Variants in PRKCA observed in about 807,000 individuals in gnomAD.
PRKCA encodes protein kinase C alpha, also known as protein kinase C alpha type.
In PRKCA, 27 loss-of-function variants were observed where a neutral mutation model predicts 87.0. The ratio of observed to expected loss-of-function variants is 0.31; its 90% CI spans 0.23 to 0.43. PRKCA has a LOEUF of 0.43. Ranked by LOEUF, PRKCA falls within the 20% of genes least tolerant of loss-of-function variation. PRKCA has a pLI of 1.00. For missense variants in PRKCA, 518 were observed against 852.3 expected (o/e 0.61, Z 4.88); for synonymous variants, 329 against 311.1 (o/e 1.06, Z -0.61).
chr17:66,524,248 T>C (rs549071396), intron 3 of PRKCA, among the ~76,000 whole-genome samples: 2 of 152,320 alleles, frequency 1.3e-5, no homozygotes, highest in East Asian at 3.9e-4. Context: ...AGGGGCATTG[T>C]TCAGTGGAAG....
intron 6 of PRKCA, 115 bp downstream of exon 6, chr17:66,687,382 C>T (rs1353774904): frequency 9.1e-7 from 1 of 1,103,986 alleles, no homozygotes; most frequent in Non-Finnish European, 1.3e-6. Context: ...TGTCTTCAGT[C>T]CTAAGACCTC....
intron 2 of PRKCA, among the ~76,000 whole-genome samples, chr17:66,337,174 G>A (rs1906751702): frequency 6.6e-6 from 1 of 152,094 alleles, no homozygotes; most frequent in African/African-American, 2.4e-5. Flanking sequence ...AGTCTTGGGA[G>A]GAAGATAGGA....
intron 3 of PRKCA, among the ~76,000 whole-genome samples, chr17:66,543,303 T>C (rs545563057): frequency 6.6e-5 from 10 of 152,316 alleles, no homozygotes; most frequent in African/African-American, 2.2e-4. Flanking sequence ...TTCCTGGCAT[T>C]CTTTGAATAC....
intron 5 of PRKCA, among the ~76,000 whole-genome samples, chr17:66,662,973 G>A (rs763802568): frequency 5.3e-5 from 8 of 152,272 alleles, no homozygotes; most frequent in East Asian, 1.9e-4. Context: ...TGGGAAAGTC[G>A]TCGATTCTGC....
chr17:66,401,994 A>G (rs1276516772), intron 2 of PRKCA, among the ~76,000 whole-genome samples: 1 of 152,200 alleles, frequency 6.6e-6, no homozygotes, highest in South Asian at 2.1e-4. Context: ...AGTTAAAACT[A>G]TGAAAGCAGA....
intron 2 of PRKCA, among the ~76,000 whole-genome samples, chr17:66,489,725 TTTTC>T (rs1916152415): frequency 6.6e-6 from 1 of 151,944 alleles, no homozygotes; most frequent in South Asian, 2.1e-4. Context: ...TCATCCTTTC[TTTTC>T]TTTCTTTCTT....
intron 2 of PRKCA, among the ~76,000 whole-genome samples, chr17:66,474,711 TTAAAG>T (rs1915467633): frequency 6.6e-6 from 1 of 152,234 alleles, no homozygotes; most frequent in Admixed American, 6.5e-5. Flanking sequence ...TTTCCTCAAC[TTAAAG>T]TAATTATTAA....
chr17:66,676,878 A>G (rs1972348615), intron 5 of PRKCA: 1 of 152,180 alleles, frequency 6.6e-6, no homozygotes, highest in Non-Finnish European at 1.5e-5. Flanking sequence ...CCCAGCCCAG[A>G]ACCCCTTCCT....
intron 1 of PRKCA, among the ~76,000 whole-genome samples, chr17:66,304,966 C>T (rs962092710): frequency 3.9e-5 from 6 of 152,130 alleles, no homozygotes; most frequent in Non-Finnish European, 8.8e-5. Flanking sequence ...GGACTTGCAG[C>T]ATACTGAGGC....
chr17:66,666,153 C>A (rs1972036890), intron 5 of PRKCA, among the ~76,000 whole-genome samples: 1 of 152,172 alleles, frequency 6.6e-6, no homozygotes, highest in African/African-American at 2.4e-5. Context: ...AATTAAGCAC[C>A]ATCACATAGA....
chr17:66,685,816 A>G (rs958166764), intron 5 of PRKCA, among the ~76,000 whole-genome samples: 1 of 152,230 alleles, frequency 6.6e-6, no homozygotes, highest in East Asian at 1.9e-4. Flanking sequence ...TAATTTAATA[A>G]TCAAACTATG....
chr17:66,543,918 A>G (rs375196102), intron 3 of PRKCA, among the ~76,000 whole-genome samples: 10 of 152,290 alleles, frequency 6.6e-5, no homozygotes, highest in African/African-American at 2.2e-4. Flanking sequence ...TTGTACAGAA[A>G]CAAGATTGCT....
intron 3 of PRKCA, among the ~76,000 whole-genome samples, chr17:66,532,992 G>A (rs895662780): frequency 5.9e-5 from 9 of 152,186 alleles, no homozygotes; most frequent in African/African-American, 2.2e-4. Context: ...GGAACCCACG[G>A]CTGGAAAATA....
chr17:66,344,336 CTA>C (rs1279127262), intron 2 of PRKCA, among the ~76,000 whole-genome samples: 2 of 152,004 alleles, frequency 1.3e-5, no homozygotes, highest in Non-Finnish European at 2.9e-5. Context: ...GTTTTTTTGA[CTA>C]TGCTGTTTAG....
At chr17:66,540,996 A>G (rs1194947847) in intron 3 of PRKCA, among the ~76,000 whole-genome samples, 2 of 152,170 alleles carry the variant, frequency 1.3e-5, no homozygotes, top group Admixed American at 6.5e-5. Context: ...GTAGAACCCT[A>G]CAGAGGTAGG....
intron 4 of PRKCA, among the ~76,000 whole-genome samples, chr17:66,643,635 G>A (rs1263771789): frequency 6.6e-6 from 1 of 152,104 alleles, no homozygotes; most frequent in African/African-American, 2.4e-5. Context: ...GTTTGGTTTT[G>A]TTTTAAACTC....
intron 3 of PRKCA, among the ~76,000 whole-genome samples, chr17:66,631,191 T>C (rs930977258): frequency 6.6e-6 from 1 of 152,222 alleles, no homozygotes; most frequent in African/African-American, 2.4e-5. Context: ...GTTAGCAGTA[T>C]AATCTAGTCT....
rs189485883 is a variant in PRKCA at position 66,448,404 on chromosome 17, C to G, written c.206-47797C>G. ...AGACGCCTGATGGAAGTTTGTGTGT[C>G]GTTTTGGCTGCGTTAGGCTCTTCTT... On this transcript the variant is annotated intron_variant, in intron 2 of 16. Coordinates refer to ENST00000413366, the MANE Select transcript of PRKCA (RefSeq NM_002737.3). Among the ~76,000 whole-genome samples the G allele has an allele frequency of 9.1e-3, 1,388 of 152,248 alleles. 16 individuals carry two copies. Among genetic ancestry groups the G allele is most frequent in the Non-Finnish European group, 0.015 (1,020 of 68,022 alleles).
intron 8 of PRKCA, among the ~76,000 whole-genome samples, chr17:66,694,554 A>G (rs1168161976): frequency 6.6e-6 from 1 of 151,668 alleles, no homozygotes; most frequent in African/African-American, 2.4e-5. Flanking sequence ...TATAATCATA[A>G]TGATTGTTGC....
Sources: gnomAD v4.1 joint callset for allele counts (sites outside exome capture counted in the v4.1 genomes callset) on GRCh38, gnomAD v4.1.1 for gene constraint, MANE v1.5 for transcripts, NCBI Gene and HGNC (gene_info 2026-07-23, HGNC 2026-07-21) for gene names.